KLRG1: variants seen among roughly 807,000 people sequenced by gnomAD.
KLRG1 encodes the protein killer cell lectin-like receptor subfamily G member 1.
A neutral mutation model predicts 21.8 loss-of-function variants in KLRG1; 16 were observed. The observed-to-expected ratio is 0.73, with a 90% confidence interval of 0.50 to 1.11. The LOEUF is 1.11. Ranked by LOEUF, KLRG1 falls within the 50% of genes most tolerant of loss-of-function variation. The pLI, the probability that KLRG1 is intolerant of heterozygous loss-of-function variation, is 0.00. For missense variants in KLRG1, 173 were observed against 218.3 expected, an observed-to-expected ratio of 0.79 and a Z score of 1.31; for synonymous variants, 69 against 75.9, an observed-to-expected ratio of 0.91 and a Z score of 0.47.
chr12:9,212,053 G>T, the KLRG1 span, among the ~76,000 whole-genome samples: 2 of 152,300 alleles, frequency 1.3e-5, no homozygotes, highest in Middle Eastern at 3.4e-3. Flanking sequence ...TGGGTCCTTA[G>T]GAGGGCTCCT....
the KLRG1 span, chr12:9,027,664 T>C: frequency 1.0e-6 from 1 of 954,280 alleles, no homozygotes. Flanking sequence ...CTTCCCTTCA[T>C]GGGTCCAAAA....
chr12:9,013,965 T>C (rs185708779), downstream of KLRG1, among the ~76,000 whole-genome samples: 15 of 152,296 alleles, frequency 9.8e-5, no homozygotes, highest in East Asian at 1.9e-3. Flanking sequence ...AAAAATTCAG[T>C]TGACTTACTG....
chr12:9,161,822 T>G, the KLRG1 span, among the ~76,000 whole-genome samples: 1 of 152,246 alleles, frequency 6.6e-6, no homozygotes, highest in African/African-American at 2.4e-5. Context: ...TAAATGTAAA[T>G]TATTTTCTAC....
chr12:9,020,640 C>T, the KLRG1 span, among the ~76,000 whole-genome samples: 3 of 152,022 alleles, frequency 2.0e-5, no homozygotes, highest in African/African-American at 4.8e-5. Context: ...GTGGATTTAC[C>T]GCAATTAATT....
chr12:9,037,443 G>A, the KLRG1 span, among the ~76,000 whole-genome samples: 11 of 151,984 alleles, frequency 7.2e-5, no homozygotes, highest in Admixed American at 6.5e-4. Context: ...TGCTGCAACC[G>A]TGCAGTCACC....
chr12:9,030,557 C>T, the KLRG1 span, among the ~76,000 whole-genome samples: 1 of 152,118 alleles, frequency 6.6e-6, no homozygotes, highest in African/African-American at 2.4e-5. Flanking sequence ...CAGCAGCCCA[C>T]CACCACACCT....
chr12:8,957,616 C>T (rs1465700704), intron 1 of KLRG1, among the ~76,000 whole-genome samples: 1 of 152,098 alleles, frequency 6.6e-6, no homozygotes, highest in East Asian at 1.9e-4. Context: ...TTCTCTTTGG[C>T]ATGTCTGCAT....
At chr12:9,115,834 G>A in the KLRG1 span, 1 of 1,613,314 alleles carries the variant, frequency 6.2e-7, no homozygotes, top group Non-Finnish European at 8.5e-7. Flanking sequence ...GGATGAAGGA[G>A]TTTGTTCTTC....
the KLRG1 span, among the ~76,000 whole-genome samples, chr12:9,185,794 C>CTTTTCTTTTCTTTTCTTTTCTTTTT: frequency 1.4e-5 from 2 of 145,658 alleles, no homozygotes; most frequent in African/African-American, 5.1e-5. Context: ...TTCAACATTT[C>CTTTTCTTTTCTTTTCTTTTCTTTTT]TTTTCTTTTC....
the KLRG1 span, among the ~76,000 whole-genome samples, chr12:9,048,451 C>A: frequency 1.3e-5 from 2 of 152,062 alleles, no homozygotes; most frequent in African/African-American, 4.8e-5. Flanking sequence ...AACAAAAATC[C>A]AAAAATCCTC....
the KLRG1 span, among the ~76,000 whole-genome samples, chr12:9,116,578 C>T: frequency 6.6e-6 from 1 of 152,132 alleles, no homozygotes; most frequent in Admixed American, 6.5e-5. Context: ...ATTGCCTTTA[C>T]CATCGACTAC....
the KLRG1 span, chr12:9,090,062 C>G: frequency 6.4e-7 from 1 of 1,569,100 alleles, no homozygotes; most frequent in Non-Finnish European, 8.7e-7. Flanking sequence ...AGCATCTTCC[C>G]CTTCCTCCAT....
the KLRG1 span, among the ~76,000 whole-genome samples, chr12:9,092,542 C>A: frequency 1.3e-5 from 2 of 152,140 alleles, no homozygotes; most frequent in East Asian, 3.9e-4. Context: ...ACTCCAGGAG[C>A]CTGAAAGGGA....
chr12:9,147,963 A>G, the KLRG1 span, among the ~76,000 whole-genome samples: 10 of 151,890 alleles, frequency 6.6e-5, no homozygotes, highest in Non-Finnish European at 1.2e-4. Flanking sequence ...GTTTCTGTAG[A>G]TAGGATAATG....
chr12:9,193,902 C>G, the KLRG1 span, among the ~76,000 whole-genome samples: 172 of 152,264 alleles, frequency 1.1e-3, 4 homozygotes, highest in East Asian at 0.021. Flanking sequence ...TTCTGCAGTG[C>G]CTTTTCTAAT....
At chr12:9,109,697 T>G in the KLRG1 span, among the ~76,000 whole-genome samples, 1 of 152,108 alleles carries the variant, frequency 6.6e-6, no homozygotes, top group Admixed American at 6.5e-5. Flanking sequence ...CTATGTGAAG[T>G]CCTATTCACA....
chr12:9,127,679 C>T, the KLRG1 span: 1 of 156,466 alleles, frequency 6.4e-6, no homozygotes. Context: ...ACTTTGTGCC[C>T]TCATCCTCCT....
intron 3 of KLRG1, among the ~76,000 whole-genome samples, chr12:9,001,007 TAA>T (rs1947291325): frequency 6.6e-6 from 1 of 152,236 alleles, no homozygotes; most frequent in African/African-American, 2.4e-5. Flanking sequence ...TGAAATTTCT[TAA>T]CGTTATTTGC....
chr12:9,179,224 C>A, the KLRG1 span, among the ~76,000 whole-genome samples: 1 of 152,084 alleles, frequency 6.6e-6, no homozygotes, highest in Admixed American at 6.5e-5. Flanking sequence ...TCTTCAAAAA[C>A]CCCATATTAG....
Sources: allele counts gnomAD v4.1 joint callset (sites outside exome capture counted in the v4.1 genomes callset), GRCh38; gene constraint gnomAD v4.1.1; transcripts MANE v1.5; gene names NCBI Gene and HGNC (gene_info 2026-07-23, HGNC 2026-07-21).